CHD9: variants seen among roughly 807,000 people sequenced by gnomAD.
The protein encoded by CHD9 is ATP-dependent chromatin remodeler CHD9.
A neutral mutation model predicts 316.1 loss-of-function variants in CHD9; 77 were observed. The observed-to-expected ratio is 0.24, with a 90% CI of 0.20 to 0.29. The LOEUF (loss-of-function observed/expected upper bound fraction) is 0.29, where lower values mean the gene tolerates loss of function less well. Among genes scored for constraint, CHD9 ranks in the 10% least tolerant of loss-of-function variants. The probability of loss-of-function intolerance (pLI) is 1.00; values close to 1 mark genes in which losing one functional copy is unlikely to be tolerated. For missense variants in CHD9, 2,763 were observed against 3,438.1 expected, an observed-to-expected ratio of 0.80 and a Z score of 4.91; for synonymous variants, 1,129 against 1,158.3, an observed-to-expected ratio of 0.97 and a Z score of 0.51.
At chr16:53,254,786 G>A (rs2152976409) in intron 18 of CHD9, 181 bp downstream of exon 18, 1 of 424,858 alleles carries the variant, frequency 2.4e-6, no homozygotes, top group South Asian at 8.6e-5. Context: ...TTCTTTCTGT[G>A]TAGCTCCAGA....
intron 1 of CHD9, among the ~76,000 whole-genome samples, chr16:53,155,029 T>C (rs187859083): frequency 3.3e-5 from 5 of 152,358 alleles, no homozygotes; most frequent in Non-Finnish European, 5.9e-5. Context: ...TTTTTACTTA[T>C]ATTACTAGCT....
chr16:53,267,638 C>A (rs890041789), intron 21 of CHD9, 148 bp downstream of exon 21: 1 of 642,788 alleles, frequency 1.6e-6, no homozygotes, highest in Non-Finnish European at 2.5e-6. Flanking sequence ...TATTTAAGAG[C>A]AGAATGATGA....
At chr16:53,150,907 T>C (rs539644868) in intron 1 of CHD9, among the ~76,000 whole-genome samples, 1 of 152,322 alleles carries the variant, frequency 6.6e-6, no homozygotes, top group East Asian at 1.9e-4. Flanking sequence ...AGATTCTCTT[T>C]GTCTTTTGAC....
intron 2 of CHD9, chr16:53,208,281 GA>G (rs1941633669): frequency 2.4e-6 from 3 of 1,270,632 alleles, no homozygotes; most frequent in South Asian, 1.3e-5. Context: ...CTGGGGTGGT[GA>G]AAAAGCAGAG....
chr16:53,151,098 T>G (rs2041066629), intron 1 of CHD9, among the ~76,000 whole-genome samples: 1 of 152,130 alleles, frequency 6.6e-6, no homozygotes. Flanking sequence ...GCCCACAATG[T>G]ATATTTTATT....
chr16:53,072,177 C>G (rs2034122877), intron 1 of CHD9, among the ~76,000 whole-genome samples: 1 of 152,058 alleles, frequency 6.6e-6, no homozygotes, highest in Admixed American at 6.6e-5. Flanking sequence ...GCCGGAAGCC[C>G]CCCTCTGTCA....
intron 1 of CHD9, among the ~76,000 whole-genome samples, chr16:53,062,025 G>A (rs1257099091): frequency 6.6e-6 from 1 of 152,112 alleles, no homozygotes. Context: ...TGCTCTGCCC[G>A]CCTCTCACCC....
rs556760507 is a variant in CHD9, at chr16:53,306,972, G to T, written c.6780+575G>T. ...TTTTTGTATTTTTAGCTGAGACAGG[G>T]TTTCACCATGTCGGCCAGGATGGTC... On this transcript the variant is annotated intron_variant, in intron 32 of 38. Transcript: ENST00000447540. 3.9e-5 allele frequency among the ~76,000 whole-genome samples: 6 copies of T among 152,074 alleles called. No homozygotes were observed. In the South Asian group the frequency reaches 6.2e-4, roughly 16 times the overall value.
Position 53,226,526 on chromosome 16 carries a change from G to C in CHD9, c.2043+14G>C, listed in dbSNP as rs775266690. ...CAATTGTTTGTGGTAAGCATATTTG[G>C]GATTATGACTGCAAAACATTTTAAA... is the stretch of plus-strand genomic sequence containing the variant. On this transcript the variant is annotated intron_variant, in intron 5 of 38. Coordinates refer to ENST00000447540, the MANE Select transcript of CHD9 (RefSeq NM_001308319.2). 2.5e-6 allele frequency: 4 copies of C among 1,584,824 alleles called. No individual in the cohort carries two copies. In the Admixed American group the frequency reaches 5.9e-5, roughly 23 times the overall value.
At chr16:53,171,604 C>T (rs1330955428) in intron 2 of CHD9, among the ~76,000 whole-genome samples, 1 of 151,968 alleles carries the variant, frequency 6.6e-6, no homozygotes, top group Non-Finnish European at 1.5e-5. Flanking sequence ...AATACTAACA[C>T]TTTGGGAGGC....
At chr16:53,292,735 A>G in intron 28 of CHD9, 98 bp from the exon 29 acceptor site, 3 of 884,884 alleles carry the variant, frequency 3.4e-6, no homozygotes, top group Non-Finnish European at 5.4e-6. Flanking sequence ...TTTTCCCCAC[A>G]TAGATTGAAT....
At chr16:53,124,777 G>A (rs2038897173) in intron 1 of CHD9, among the ~76,000 whole-genome samples, 1 of 152,094 alleles carries the variant, frequency 6.6e-6, no homozygotes, top group African/African-American at 2.4e-5. Context: ...ACCACACCCA[G>A]CCTCGTGAGA....
intron 1 of CHD9, among the ~76,000 whole-genome samples, chr16:53,071,120 A>G (rs1227332241): frequency 1.3e-5 from 2 of 152,216 alleles, no homozygotes; most frequent in Non-Finnish European, 2.9e-5. Context: ...CCAAGTCATC[A>G]TGGGATGTCT....
chr16:53,214,286 A>G (rs1210354099), intron 3 of CHD9, among the ~76,000 whole-genome samples: 1 of 152,120 alleles, frequency 6.6e-6, no homozygotes, highest in East Asian at 1.9e-4. Flanking sequence ...TCTGAGGGAA[A>G]AATAAGACAT....
chr16:53,188,499 G>T (rs1233508437), intron 2 of CHD9, among the ~76,000 whole-genome samples: 3 of 143,596 alleles, frequency 2.1e-5, no homozygotes. Flanking sequence ...TTTTTTTATT[G>T]TAGCCATCTT....
chr16:53,309,541 C>T (rs2056282904), intron 34 of CHD9, among the ~76,000 whole-genome samples: 1 of 152,230 alleles, frequency 6.6e-6, no homozygotes, highest in African/African-American at 2.4e-5. Context: ...TTTGAATCAA[C>T]ACATATTTAT....
At chr16:53,216,764 G>A (rs1257657097) in intron 3 of CHD9, among the ~76,000 whole-genome samples, 1 of 152,154 alleles carries the variant, frequency 6.6e-6, no homozygotes, top group Non-Finnish European at 1.5e-5. Context: ...CCCAAACCTG[G>A]TAGAGCACCA....
intron 2 of CHD9, among the ~76,000 whole-genome samples, chr16:53,197,573 C>CT (rs1373189779): frequency 6.6e-6 from 1 of 151,632 alleles, no homozygotes; most frequent in Non-Finnish European, 1.5e-5. Context: ...AATATTAACA[C>CT]TTTTTTGTAG....
chr16:53,148,993 A>G (rs139939703), intron 1 of CHD9, among the ~76,000 whole-genome samples: 4 of 152,194 alleles, frequency 2.6e-5, no homozygotes, highest in African/African-American at 9.6e-5. Flanking sequence ...CGTATTTTCT[A>G]ATTTTCCTCG....
Sources: gnomAD v4.1 joint callset for allele counts (sites outside exome capture counted in the v4.1 genomes callset) on GRCh38, gnomAD v4.1.1 for gene constraint, MANE v1.5 for transcripts, NCBI Gene and HGNC (gene_info 2026-07-23, HGNC 2026-07-21) for gene names.